RASEF: variants seen among roughly 807,000 people sequenced by gnomAD.
RASEF encodes the protein RAS and EF-hand domain containing, also known as ras and EF-hand domain-containing protein.
A neutral mutation model predicts 90.1 loss-of-function variants in RASEF; 68 were observed. That is an observed-to-expected ratio of 0.75 (90% CI 0.62 to 0.92). RASEF has a LOEUF of 0.92. RASEF is among the 40% of genes least tolerant of loss of function. The pLI, the probability that RASEF is intolerant of heterozygous loss-of-function variation, is 0.00. For missense variants in RASEF, 949 were observed against 937.2 expected (o/e 1.01, Z -0.16); for synonymous variants, 331 against 345.2 (o/e 0.96, Z 0.46).
chr9:83,120,315 G>A, the RASEF span, among the ~76,000 whole-genome samples: 1 of 152,198 alleles, frequency 6.6e-6, no homozygotes, highest in South Asian at 2.1e-4. Flanking sequence ...AATGTGGTGG[G>A]ATTGTAACTC....
At position 82,990,451 on chromosome 9, in the gene RASEF, A is replaced by C; in HGVS notation, c.2057T>G (p.Phe686Cys). 6.2e-7 allele frequency: 1 copy of C among 1,612,908 alleles called. No homozygotes were observed. Among genetic ancestry groups the C allele is most frequent in the South Asian group, 1.1e-5 (1 of 91,056 alleles). Reference sequence around the variant, plus strand: ...ACCATCTTTGGCACTTGTTTCACAGAATAATGCCCCATACGTCTGTAAAAA... The same window carrying C: ...ACCATCTTTGGCACTTGTTTCACAGCATAATGCCCCATACGTCTGTAAAAA... Reference protein sequence around the residue: ...EKLAMTYGALFCETSAKDGSN... With the variant: ...EKLAMTYGALCCETSAKDGSN... Residue 686 changes from phenylalanine to cysteine, a missense_variant, in exon 16 of 17, where the codon TTC (phenylalanine) becomes TGC (cysteine). Coordinates refer to ENST00000376447, the MANE Select transcript of RASEF (RefSeq NM_152573.4).
At chr9:83,182,095 A>C in the RASEF span, among the ~76,000 whole-genome samples, 8 of 152,150 alleles carry the variant, frequency 5.3e-5, no homozygotes, top group Non-Finnish European at 1.2e-4. Context: ...ATGACCACAC[A>C]TTCTCCTTGA....
At chr9:83,209,465 C>T in the RASEF span, among the ~76,000 whole-genome samples, 3 of 152,200 alleles carry the variant, frequency 2.0e-5, no homozygotes, top group African/African-American at 7.2e-5. Flanking sequence ...CAGGCAGAAG[C>T]AACAGCATGT....
At chr9:83,097,323 T>C in the RASEF span, among the ~76,000 whole-genome samples, 1 of 152,242 alleles carries the variant, frequency 6.6e-6, no homozygotes, top group Non-Finnish European at 1.5e-5. Flanking sequence ...ATGATCGCCA[T>C]TCTAACTGGT....
rs540953865 is a variant in RASEF at position 83,063,103 on chromosome 9, C to G, written c.-236G>C. On this transcript the variant is annotated 5_prime_UTR_variant, in exon 1 of 17. Transcript: ENST00000376447. Reference sequence around the variant, plus strand: ...CAGGTCCCGGGAGCGGTGGGGTGCGCCCGGGCTCCAGGCACCGCCAAGGAG... The same window carrying G: ...CAGGTCCCGGGAGCGGTGGGGTGCGGCCGGGCTCCAGGCACCGCCAAGGAG... 2 of 472,392 alleles carry G rather than the reference C, an allele frequency of 4.2e-6. No individual in the cohort carries two copies. The highest frequency in any genetic ancestry group is 4.1e-5 in the African/African-American group (2 of 48,906). 29.3% of individuals were successfully genotyped at this position (472,392 alleles called of 1,614,324 possible). A position where few individuals can be genotyped will look rare whatever the true frequency, so the allele number is the denominator to read the frequency against.
At position 83,000,939 on chromosome 9, in the gene RASEF, T is replaced by A. The variant is rs566234277; in HGVS notation, c.1394A>T (p.His465Leu). The A allele has an allele frequency of 6.2e-7, 1 of 1,614,166 alleles. No homozygotes were observed. Among genetic ancestry groups the A allele is most frequent in the South Asian group, 1.1e-5 (1 of 91,082 alleles). ...YKHQRGFQRSHGVQESFGGDA... is the reference protein window; with the variant it reads ...YKHQRGFQRSLGVQESFGGDA... ...ACCTCCAAAGCTCTCCTGCACCCCG[T>A]GTGACCTCTGAAATCCCCTCTGGTG... Residue 465 changes from histidine to leucine, a missense_variant, in exon 10 of 17, where the codon CAC becomes CTC. His to Leu is a moderately conservative substitution (Grantham distance 99). This residue lies in a region of RASEF where 5 missense variants were observed against 16.7 expected (regional missense o/e 0.30). Coordinates refer to ENST00000376447, the MANE Select transcript of RASEF (RefSeq NM_152573.4).
chr9:83,183,590 A>G, the RASEF span, among the ~76,000 whole-genome samples: 2 of 152,168 alleles, frequency 1.3e-5, no homozygotes, highest in African/African-American at 4.8e-5. Flanking sequence ...CTTCCATTAA[A>G]TCATTATTAT....
chr9:83,153,049 C>T, the RASEF span, among the ~76,000 whole-genome samples: 1 of 152,122 alleles, frequency 6.6e-6, no homozygotes, highest in Non-Finnish European at 1.5e-5. Flanking sequence ...CTTCGGAAAA[C>T]TTGTTTTTGC....
chr9:83,055,860 T>A (rs1231956617), intron 1 of RASEF, among the ~76,000 whole-genome samples: 1 of 152,232 alleles, frequency 6.6e-6, no homozygotes, highest in African/African-American at 2.4e-5. Flanking sequence ...ACATTCGATG[T>A]GAAACATCCA....
the RASEF span, among the ~76,000 whole-genome samples, chr9:83,130,269 T>C: frequency 6.6e-6 from 1 of 152,234 alleles, no homozygotes; most frequent in African/African-American, 2.4e-5. Context: ...TTTAGAGCTG[T>C]TTTAGTTTCA....
chr9:83,004,393 G>C, intron 9 of RASEF, 105 bp downstream of exon 9: 1 of 447,820 alleles, frequency 2.2e-6, no homozygotes, highest in Non-Finnish European at 3.9e-6. Flanking sequence ...ATATAAATTA[G>C]TGACCAAAGT....
the RASEF span, among the ~76,000 whole-genome samples, chr9:83,084,780 A>G: frequency 6.6e-6 from 1 of 152,168 alleles, no homozygotes; most frequent in African/African-American, 2.4e-5. Context: ...TATGACATTT[A>G]GATTTTGCAT....
At chr9:82,984,283 G>A (rs1828671674) in intron 16 of RASEF, among the ~76,000 whole-genome samples, 2 of 152,160 alleles carry the variant, frequency 1.3e-5, no homozygotes, top group South Asian at 4.1e-4. Flanking sequence ...GAGATAATGT[G>A]TAGAAGGCCT....
intron 1 of RASEF, 129 bp from the exon 2 acceptor site, chr9:83,026,050 G>A (rs941893508): frequency 3.4e-5 from 23 of 671,770 alleles, no homozygotes; most frequent in East Asian, 5.8e-5. Flanking sequence ...CAGAATGAAC[G>A]GAAGGAAGGG....
At chr9:83,066,190 TTAG>T (rs1175395006), upstream of RASEF, among the ~76,000 whole-genome samples, 1 of 152,240 alleles carries the variant, frequency 6.6e-6, no homozygotes, top group Non-Finnish European at 1.5e-5. Flanking sequence ...CATGATTACG[TTAG>T]TAGCTCCTTA....
rs1828558109 is a variant in RASEF, at chr9:82,979,610, T to C, written c.*3067A>G. ...AAAAGGCCAAAGGAAGCAAGCTTTA[T>C]TGAATTTACAACGTAGAAAATATTT... On this transcript the variant is annotated 3_prime_UTR_variant, in exon 17 of 17. Transcript: ENST00000376447. The C allele has an allele frequency of 1.3e-5, 2 of 152,244 alleles. No homozygotes were observed. The highest frequency in any genetic ancestry group is 2.9e-5 in the Non-Finnish European group (2 of 68,036). 9.4% of individuals were successfully genotyped at this position (152,244 alleles called of 1,614,324 possible).
At chr9:83,119,016 T>C in the RASEF span, among the ~76,000 whole-genome samples, 1 of 151,558 alleles carries the variant, frequency 6.6e-6, no homozygotes, top group Admixed American at 6.6e-5. Context: ...TTCTTTTTTT[T>C]TTTTTTTTAA....
chr9:83,075,519 C>G, the RASEF span, among the ~76,000 whole-genome samples: 1 of 152,128 alleles, frequency 6.6e-6, no homozygotes, highest in Admixed American at 6.5e-5. Flanking sequence ...TATTTTACAG[C>G]TGCTTAGGAC....
At chr9:83,017,380 G>T (rs751518130) in intron 3 of RASEF, among the ~76,000 whole-genome samples, 2 of 150,958 alleles carry the variant, frequency 1.3e-5, no homozygotes, top group Non-Finnish European at 3.0e-5. Context: ...GGCGCCTGTT[G>T]TCCCAGCTAC....
Sources: gnomAD v4.1 joint callset for allele counts (sites outside exome capture counted in the v4.1 genomes callset) on GRCh38, gnomAD v4.1.1 for gene constraint, gnomAD v4.1.1 regional missense constraint, MANE v1.5 for transcripts, NCBI Gene and HGNC (gene_info 2026-07-23, HGNC 2026-07-21) for gene names.